The following ARID5B variants were observed in gnomAD, a reference collection of about 807,000 sequenced individuals.
ARID5B encodes AT-rich interaction domain 5B.
In ARID5B, 13 loss-of-function variants were observed where a neutral mutation model predicts 97.2. The observed-to-expected ratio is 0.13, with a 90% confidence interval of 0.09 to 0.21. The LOEUF (loss-of-function observed/expected upper bound fraction) is 0.21. ARID5B is among the 10% of genes least tolerant of loss of function. The probability of loss-of-function intolerance (pLI) is 1.00; values close to 1 mark genes in which losing one functional copy is unlikely to be tolerated. For synonymous variants in ARID5B, 556 were observed against 570.3 expected (o/e 0.97, Z 0.36); for missense variants, 1,210 against 1,465.3 (o/e 0.83, Z 2.84).
At chr10:61,951,194 A>T (rs1322802299) in intron 3 of ARID5B, among the ~76,000 whole-genome samples, 1 of 152,200 alleles carries the variant, frequency 6.6e-6, no homozygotes, top group Non-Finnish European at 1.5e-5. Context: ...AAATGTATTT[A>T]TTTAGGACAG....
Position 62,092,367 on chromosome 10 carries a change from C to G in ARID5B, c.2904C>G (p.Tyr968Ter). The part of the protein sequence containing the change: ...SPMTMSGPKK[Y>*]PESLSRSGKP... ...TGACCATGTCAGGCCCTAAAAAATA[C>G]CCTGAATCGCTTTCAAGATCAGGAA... Residue 968 changes from tyrosine to a stop codon, truncating the protein, a stop_gained, in exon 10 of 10, where the codon TAC becomes TAG. Transcript: ENST00000279873. LOFTEE classifies it high-confidence loss of function. 1 of 1,614,162 alleles carries G rather than the reference C, an allele frequency of 6.2e-7. No individual in the cohort carries two copies. The highest frequency in any genetic ancestry group is 8.5e-7 in the Non-Finnish European group (1 of 1,180,032).
At chr10:62,019,326 T>G (rs1400934761) in intron 4 of ARID5B, among the ~76,000 whole-genome samples, 1 of 152,254 alleles carries the variant, frequency 6.6e-6, no homozygotes, top group Non-Finnish European at 1.5e-5. Flanking sequence ...CCTTAATGCT[T>G]CTTGGTGCCT....
At chr10:61,998,306 G>A (rs770244757) in intron 3 of ARID5B, among the ~76,000 whole-genome samples, 6 of 152,114 alleles carry the variant, frequency 3.9e-5, no homozygotes, top group South Asian at 2.1e-4. Context: ...TGATAATGTC[G>A]GTATCCTTAA....
intron 5 of ARID5B, among the ~76,000 whole-genome samples, chr10:62,055,042 A>G (rs1041187562): frequency 6.6e-6 from 1 of 152,154 alleles, no homozygotes; most frequent in Non-Finnish European, 1.5e-5. Flanking sequence ...CCTTTGCTCA[A>G]TATACAATAG....
At chr10:62,019,410 A>G (rs1001044803) in intron 4 of ARID5B, among the ~76,000 whole-genome samples, 1 of 152,218 alleles carries the variant, frequency 6.6e-6, no homozygotes, top group Non-Finnish European at 1.5e-5. Context: ...AGTGAAGAAC[A>G]TGGCGTTTTT....
In ARID5B at chr10:62,050,980, G is replaced by A. The variant is rs201704836; in HGVS notation, c.826G>A (p.Asp276Asn). The stretch of plus-strand genomic sequence containing the variant: ...TGTTAAGGATTCCAACAACAATTCC[G>A]ATGGCAAAGCCGTTGCCAAGGTACG... ...SGVKDSNNNS[D>N]GKAVAKVKCE... Residue 276 changes from aspartate (D) to asparagine (N), a missense_variant, in exon 5 of 10, where the codon GAT becomes AAT. Transcript: ENST00000279873. The A allele has an allele frequency of 6.4e-5, 104 of 1,614,054 alleles. 1 individual carries two copies. The East Asian group carries it at 1.6e-3, about 25-fold the overall frequency.
chr10:61,911,860 G>GT (rs1399745758), intron 2 of ARID5B, among the ~76,000 whole-genome samples: 1 of 152,124 alleles, frequency 6.6e-6, no homozygotes, highest in East Asian at 1.9e-4. Flanking sequence ...GAGTGTAAGA[G>GT]TTTTTTTAGC....
At chr10:62,009,210 T>C (rs1429840845) in intron 4 of ARID5B, among the ~76,000 whole-genome samples, 1 of 152,172 alleles carries the variant, frequency 6.6e-6, no homozygotes, top group Non-Finnish European at 1.5e-5. Flanking sequence ...GCCTAGAAAT[T>C]CTGTGTCTTA....
chr10:61,920,837 C>T (rs1343307846), intron 2 of ARID5B, among the ~76,000 whole-genome samples: 2 of 152,090 alleles, frequency 1.3e-5, no homozygotes, highest in South Asian at 2.1e-4. Flanking sequence ...TTCTTTCTCT[C>T]TAGTTAGAGG....
chr10:61,999,207 CGATG>C (rs1374334549), intron 3 of ARID5B, among the ~76,000 whole-genome samples: 2 of 152,288 alleles, frequency 1.3e-5, no homozygotes, highest in African/African-American at 2.4e-5. Context: ...GAGCAGATGG[CGATG>C]CATTTTAGAC....
intron 4 of ARID5B, among the ~76,000 whole-genome samples, chr10:62,023,445 A>G (rs1839380960): frequency 6.6e-6 from 1 of 152,286 alleles, no homozygotes; most frequent in Middle Eastern, 3.4e-3. Context: ...ACTGAACCAA[A>G]TCCTATATTT....
At chr10:61,911,106 T>G (rs1374183728) in intron 2 of ARID5B, among the ~76,000 whole-genome samples, 1 of 152,194 alleles carries the variant, frequency 6.6e-6, no homozygotes, top group East Asian at 1.9e-4. Context: ...GCCTCATCAG[T>G]GGCACTAAAC....
At chr10:61,907,686 C>T (rs1408085155) in intron 2 of ARID5B, among the ~76,000 whole-genome samples, 1 of 152,244 alleles carries the variant, frequency 6.6e-6, no homozygotes, top group East Asian at 1.9e-4. Context: ...TAAAGAATTA[C>T]ATGGAGAGAA....
intron 4 of ARID5B, among the ~76,000 whole-genome samples, chr10:62,005,289 G>A (rs1423926800): frequency 1.3e-5 from 2 of 152,234 alleles, no homozygotes; most frequent in East Asian, 3.8e-4. Flanking sequence ...CTCTGGGCAA[G>A]TGACATAAGG....
At chr10:62,031,109 C>G (rs1264651577) in intron 4 of ARID5B, among the ~76,000 whole-genome samples, 1 of 152,136 alleles carries the variant, frequency 6.6e-6, no homozygotes, top group African/African-American at 2.4e-5. Context: ...TGGTGGATGC[C>G]TGTAATCCGA....
At chr10:61,944,571 G>T (rs115953689) in intron 3 of ARID5B, among the ~76,000 whole-genome samples, 1 of 152,050 alleles carries the variant, frequency 6.6e-6, no homozygotes, top group Non-Finnish European at 1.5e-5. Context: ...TCCTTTAAGC[G>T]AAGTATGAAA....
At chr10:61,939,410 C>A (rs1844360327) in intron 2 of ARID5B, among the ~76,000 whole-genome samples, 1 of 152,118 alleles carries the variant, frequency 6.6e-6, no homozygotes. Context: ...TTCCTAGAAG[C>A]AATTAGAGAT....
At chr10:61,939,016 G>C (rs894816409) in intron 2 of ARID5B, among the ~76,000 whole-genome samples, 1 of 144,118 alleles carries the variant, frequency 6.9e-6, no homozygotes, top group Non-Finnish European at 1.6e-5. Flanking sequence ...GGTGGGGCAG[G>C]GGGAGGAGGA....
At chr10:61,905,459 G>A (rs1354695321) in intron 2 of ARID5B, among the ~76,000 whole-genome samples, 1 of 134,584 alleles carries the variant, frequency 7.4e-6, no homozygotes, top group Non-Finnish European at 1.6e-5. Flanking sequence ...TTTTTTTTTT[G>A]GAATATTTTC....
Sources: allele counts gnomAD v4.1 joint callset (sites outside exome capture counted in the v4.1 genomes callset), GRCh38; gene constraint gnomAD v4.1.1; transcripts MANE v1.5; gene names NCBI Gene and HGNC (gene_info 2026-07-23, HGNC 2026-07-21).